Variants in MEX3A observed in about 807,000 individuals in gnomAD.
MEX3A encodes the protein mex-3 RNA binding family member A, also known as RNA-binding protein MEX3A.
A neutral mutation model predicts 30.0 loss-of-function variants in MEX3A; 4 were observed. That is an observed-to-expected ratio of 0.13 (90% CI 0.07 to 0.30). MEX3A has a LOEUF of 0.30. MEX3A is among the 10% of genes least tolerant of loss of function. The pLI is 1.00. For missense variants in MEX3A, 555 were observed against 736.7 expected, an observed-to-expected ratio of 0.75 and a Z score of 2.86; for synonymous variants, 335 against 327.6, an observed-to-expected ratio of 1.02 and a Z score of -0.24.
rs749311997 is a variant in MEX3A, at chr1:156,076,912, A to AGGC, written c.1222_1224dup (p.Ala408dup). The AGGC allele has an allele frequency of 5.7e-6, 9 of 1,578,274 alleles. No homozygotes were observed. The Admixed American group carries it at 1.5e-4, about 26-fold the overall frequency. ...TTGGCGGAAGAGGAGGAGGAGGAGG[A>AGGC]GGCAGAGGAGAAGAGCACGGAGGTG... On this transcript the variant is annotated inframe_insertion, in exon 2 of 2. Transcript: ENST00000532414. This position sits in a 1 kb window ranked among gnomAD's most constrained non-coding sequence, Gnocchi z 6.0.
rs910147978 is a variant in MEX3A, at chr1:156,077,943, C to G, written c.455-261G>C. On this transcript the variant is annotated intron_variant, in intron 1 of 1. Transcript: ENST00000532414. The surrounding 1 kb of genome is among the most constrained non-coding windows in gnomAD (Gnocchi z 8.3). ...TCCCTGAGTTCCATTCAGGGCCCTC[C>G]AAATTCATTCACTCCTCAAAACCCC... Among the ~76,000 whole-genome samples the G allele has an allele frequency of 6.6e-6, 1 of 152,144 alleles. No individual in the cohort carries two copies. The highest frequency in any genetic ancestry group is 2.4e-5 in the African/African-American group (1 of 41,434).
chr1:156,076,796 C>G lies in MEX3A; in HGVS notation c.1341G>C (p.Glu447Asp). ...CAAGTTTAGAGAAGCCCTGGAGCGG[C>G]TCTCCCGGGGGGCGCCTCGGGAGTC... ...LAGLPRRPPG[E>D]PLQGFSKLGG... is the part of the protein sequence containing the mutation. The change falls in exon 2 of 2, where the codon GAG becomes GAC. Residue 447 changes from glutamate to aspartate, a missense_variant. Physicochemically the swap from Glu to Asp is conservative, Grantham distance 45. Around this residue, in one of 6 missense-constraint regions of MEX3A, gnomAD observed 281 missense variants for 265.1 expected, o/e 1.06. Transcript: ENST00000532414. This position sits in a 1 kb window ranked among gnomAD's most constrained non-coding sequence, Gnocchi z 6.0. The G allele has an allele frequency of 6.4e-7, 1 of 1,566,610 alleles. No individual in the cohort carries two copies. The highest frequency in any genetic ancestry group is 1.4e-5 in the African/African-American group (1 of 73,798).
intron 1 of MEX3A, among the ~76,000 whole-genome samples, chr1:156,078,929 G>A (rs1648145746): frequency 6.6e-6 from 1 of 151,930 alleles, no homozygotes; most frequent in Non-Finnish European, 1.5e-5. Flanking sequence ...ATCCTCCCCA[G>A]CACACAAACA....
chr1:156,078,645 C>G (rs1017359437), intron 1 of MEX3A, among the ~76,000 whole-genome samples: 2 of 152,136 alleles, frequency 1.3e-5, no homozygotes, highest in African/African-American at 4.8e-5. Flanking sequence ...TATTCTGTTT[C>G]TAAAAGCTGC....
chr1:156,076,596 T>A lies in MEX3A; in HGVS notation c.1541A>T (p.Gln514Leu). Residue 514 changes from glutamine (Q) to leucine (L), a missense_variant, in exon 2 of 2, where the codon CAA (glutamine) becomes CTA (leucine). By Grantham distance (113) the Gln-to-Leu change is moderately radical. Transcript: ENST00000532414. The surrounding 1 kb of genome is among the most constrained non-coding windows in gnomAD (Gnocchi z 6.0). ...ECPVCHITAT[Q>L]AIRIFS ...GGCTTAGGAGAATATTCGGATGGCTTGCGTGGCTGTGATGTGGCAGACGGG... is the reference window on the plus strand; with the variant it reads ...GGCTTAGGAGAATATTCGGATGGCTAGCGTGGCTGTGATGTGGCAGACGGG... 1 of 1,612,750 alleles carries A rather than the reference T, an allele frequency of 6.2e-7. No individual in the cohort carries two copies. The highest frequency in any genetic ancestry group is 8.5e-7 in the Non-Finnish European group (1 of 1,179,076).
chr1:156,080,097 C>T (rs778240610), intron 1 of MEX3A, among the ~76,000 whole-genome samples: 2 of 152,162 alleles, frequency 1.3e-5, no homozygotes, highest in African/African-American at 2.4e-5. Context: ...CCATCTGATG[C>T]GGAGGCAGAA....
Position 156,076,803 on chromosome 1 carries a change from G to C in MEX3A, c.1334C>G (p.Pro445Arg). 6.4e-7 allele frequency: 1 copy of C among 1,560,386 alleles called. No individual in the cohort carries two copies. The highest frequency in any genetic ancestry group is 2.4e-5 in the East Asian group (1 of 41,608). The change falls in exon 2 of 2, where the codon CCG (proline) becomes CGG (arginine). Residue 445 changes from proline (P) to arginine (R), a missense_variant. Around this residue, in one of 6 missense-constraint regions of MEX3A, gnomAD observed 281 missense variants for 265.1 expected, o/e 1.06. Transcript: ENST00000532414. The surrounding 1 kb of genome is among the most constrained non-coding windows in gnomAD (Gnocchi z 6.0). ...PELAGLPRRP[P>R]GEPLQGFSKL... is the part of the protein sequence containing the mutation. The stretch of plus-strand genomic sequence containing the variant: ...AGAGAAGCCCTGGAGCGGCTCTCCC[G>C]GGGGGCGCCTCGGGAGTCCGGCCAG...
chr1:156,077,015 G>A lies in MEX3A; in HGVS notation c.1122C>T (p.Gly374=), dbSNP rs1429173290. ...GYGGYLFPGY[G]VGKQDVYYGV... ...CGTAGTACACATCCTGCTTGCCCAC[G>A]CCATAGCCCGGAAAGAGGTACCCGC... Residue 374 remains glycine (G), a synonymous_variant, in exon 2 of 2, where the codon GGC becomes GGT. Coordinates refer to ENST00000532414, the MANE Select transcript of MEX3A (RefSeq NM_001093725.2). The surrounding 1 kb of genome is among the most constrained non-coding windows in gnomAD (Gnocchi z 8.3). The A allele has an allele frequency of 1.2e-6, 2 of 1,613,454 alleles. No individual in the cohort carries two copies. Among genetic ancestry groups the A allele is most frequent in the Non-Finnish European group, 1.7e-6 (2 of 1,179,808 alleles).
At chr1:156,080,036 C>T (rs1648175494) in intron 1 of MEX3A, among the ~76,000 whole-genome samples, 1 of 152,144 alleles carries the variant, frequency 6.6e-6, no homozygotes, top group South Asian at 2.1e-4. Context: ...GACTGAGGGG[C>T]AGGCTTATCT....
rs1401769027 is a variant in MEX3A, at chr1:156,075,600, G to A, written c.*974C>T. ...TGTTTCTTTGGAGGAGTGGGGGAGA[G>A]GGCCTCCAGATGCCTGAAGAGGAAT... On this transcript the variant is annotated 3_prime_UTR_variant, in exon 2 of 2. Transcript: ENST00000532414. 6.5e-6 allele frequency: 1 copy of A among 152,754 alleles called. No homozygotes were observed. The highest frequency in any genetic ancestry group is 2.4e-5 in the African/African-American group (1 of 41,420). The allele number at this position is 152,754 out of a possible 1,614,324, so 9.5% of individuals were successfully genotyped here.
rs893599186 is a variant in MEX3A at position 156,075,973 on chromosome 1, T to G, written c.*601A>C. ...CTTTCAGCCACAGAAACGATTGACA[T>G]GCTTCTCTCCCCAACCCCTAGAAGA... is the stretch of plus-strand genomic sequence containing the variant. On this transcript the variant is annotated 3_prime_UTR_variant, in exon 2 of 2. Transcript: ENST00000532414. The G allele has an allele frequency of 6.6e-6, 1 of 152,402 alleles. No individual in the cohort carries two copies. The highest frequency in any genetic ancestry group is 1.5e-5 in the Non-Finnish European group (1 of 68,148). 9.4% of individuals were successfully genotyped at this position (152,402 alleles called of 1,614,324 possible). A position where few individuals can be genotyped will look rare whatever the true frequency, so the allele number is the denominator to read the frequency against.
rs1314388978 is a variant in MEX3A, at chr1:156,074,514, G to C, written c.*2060C>G. The C allele has an allele frequency of 1.3e-5, 2 of 150,084 alleles. No individual in the cohort carries two copies. Among genetic ancestry groups the C allele is most frequent in the Non-Finnish European group, 3.0e-5 (2 of 67,650 alleles). 9.3% of individuals were successfully genotyped at this position (150,084 alleles called of 1,614,324 possible). On this transcript the variant is annotated 3_prime_UTR_variant, in exon 2 of 2. Coordinates refer to ENST00000532414, the MANE Select transcript of MEX3A (RefSeq NM_001093725.2). ...CTCTATTTTGTCTCTCACTATTCGT[G>C]TTTTGTGTTTGTTTCTAGGTTTGGC...
chr1:156,076,895 A>C lies in MEX3A; in HGVS notation c.1242T>G (p.Ser414=), dbSNP rs1370604915. Residue 414 remains serine, a synonymous_variant, in exon 2 of 2, where the codon TCT becomes TCG. Transcript: ENST00000532414. The surrounding 1 kb of genome is among the most constrained non-coding windows in gnomAD (Gnocchi z 6.0). ...LFSSASSSSS[S]SAKARAGPPG... ...GGGGCCCAGCGCGGGCCTTGGCGGA[A>C]GAGGAGGAGGAGGAGGAGGCAGAGG... is the stretch of plus-strand genomic sequence containing the variant. 1.3e-6 allele frequency: 2 copies of C among 1,554,968 alleles called. No homozygotes were observed. Among genetic ancestry groups the C allele is most frequent in the Non-Finnish European group, 8.7e-7 (1 of 1,150,258 alleles).
intron 1 of MEX3A, among the ~76,000 whole-genome samples, chr1:156,080,635 C>CA (rs1648192622): frequency 6.6e-6 from 1 of 152,122 alleles, no homozygotes; most frequent in Admixed American, 6.5e-5. Context: ...CCAACACCCC[C>CA]ACTCACCCAC....
chr1:156,076,507 G>T lies in MEX3A; in HGVS notation c.*67C>A, dbSNP rs1648067080. 8 of 1,488,536 alleles carry T rather than the reference G, an allele frequency of 5.4e-6. No homozygotes were observed. The highest frequency in any genetic ancestry group is 9.1e-7 in the Non-Finnish European group (1 of 1,101,090). The allele number at this position is 1,488,536 out of a possible 1,614,324, so 92.2% of individuals were successfully genotyped here. A position where few individuals can be genotyped will look rare whatever the true frequency, so the allele number is the denominator to read the frequency against. ...CCCTCAAATCACCGCTTTCCAAAAG[G>T]CTTTAGTGGAAAACAGGTCCAGGGT... On this transcript the variant is annotated 3_prime_UTR_variant, in exon 2 of 2. Coordinates refer to ENST00000532414, the MANE Select transcript of MEX3A (RefSeq NM_001093725.2). This position sits in a 1 kb window ranked among gnomAD's most constrained non-coding sequence, Gnocchi z 6.0.
At position 156,075,333 on chromosome 1, in the gene MEX3A, G is replaced by T. The variant is rs1648026743; in HGVS notation, c.*1241C>A. ...GTGCAGGGAGTCGGGCACTGCATGG[G>T]AGGAGCAGCTCTTCCCTCCACCAGT... On this transcript the variant is annotated 3_prime_UTR_variant, in exon 2 of 2. Transcript: ENST00000532414. 1 of 152,344 alleles carries T rather than the reference G, an allele frequency of 6.6e-6. No homozygotes were observed. The highest frequency in any genetic ancestry group is 1.5e-5 in the Non-Finnish European group (1 of 68,052). 9.4% of individuals were successfully genotyped at this position (152,344 alleles called of 1,614,324 possible). A position where few individuals can be genotyped will look rare whatever the true frequency, so the allele number is the denominator to read the frequency against.
rs201800597 is a variant in MEX3A, at chr1:156,081,527, T to C, written c.454+18A>G. 775 of 1,600,872 alleles carry C rather than the reference T, an allele frequency of 4.8e-4. No homozygotes were observed. Among genetic ancestry groups the C allele is most frequent in the Non-Finnish European group, 6.0e-4 (710 of 1,174,692 alleles). Reference sequence around the variant, plus strand: ...CCCCCACTACAGTCCCTCTCAGTGGTCCCGGCGCCCCGCTTACCTTGCCTG... The same window carrying C: ...CCCCCACTACAGTCCCTCTCAGTGGCCCCGGCGCCCCGCTTACCTTGCCTG... On this transcript the variant is annotated intron_variant, in intron 1 of 1. Transcript: ENST00000532414.
Position 156,077,546 on chromosome 1 carries a change from C to T in MEX3A, c.591G>A (p.Ala197=), listed in dbSNP as rs1648111516. Reference sequence around the variant, plus strand: ...AGGCACGGATCATGGAGAAGTGCTCCGCTGCTGAGATGATTTCCCGCCGGG... The same window carrying T: ...AGGCACGGATCATGGAGAAGTGCTCTGCTGCTGAGATGATTTCCCGCCGGG... ...ATARREIISA[A]EHFSMIRASR... The change falls in exon 2 of 2, where the codon GCG becomes GCA. Residue 197 remains alanine, a synonymous_variant. Transcript: ENST00000532414. The surrounding 1 kb of genome is among the most constrained non-coding windows in gnomAD (Gnocchi z 8.3). The T allele has an allele frequency of 1.2e-6, 2 of 1,612,244 alleles. No individual in the cohort carries two copies. The highest frequency in any genetic ancestry group is 1.7e-6 in the Non-Finnish European group (2 of 1,179,188).
Position 156,072,762 on chromosome 1 carries a change from A to G in MEX3A, c.*3812T>C, listed in dbSNP as rs747610276. On this transcript the variant is annotated 3_prime_UTR_variant, in exon 2 of 2. Transcript: ENST00000532414. Reference sequence around the variant, plus strand: ...CAGAGGGTCAGGGTTAGGGTCACCCAAAGTCCCTGTGCCTTTCCCCAGCCT... The same window carrying G: ...CAGAGGGTCAGGGTTAGGGTCACCCGAAGTCCCTGTGCCTTTCCCCAGCCT... 2.6e-5 allele frequency: 4 copies of G among 152,754 alleles called. No homozygotes were observed. The highest frequency in any genetic ancestry group is 1.9e-4 in the East Asian group (1 of 5,330). The allele number at this position is 152,754 out of a possible 1,614,324, so 9.5% of individuals were successfully genotyped here. A position where few individuals can be genotyped will look rare whatever the true frequency, so the allele number is the denominator to read the frequency against.
Sources: gnomAD v4.1 joint callset for allele counts (sites outside exome capture counted in the v4.1 genomes callset) on GRCh38, gnomAD v4.1.1 for gene constraint, gnomAD v4.1.1 regional missense constraint, Gnocchi (gnomAD v3.1) non-coding constraint, MANE v1.5 for transcripts, NCBI Gene and HGNC (gene_info 2026-07-23, HGNC 2026-07-21) for gene names.